Variants in SNED1 observed in about 807,000 individuals in gnomAD.
The protein encoded by SNED1 is sushi, nidogen and EGF-like domain-containing protein 1.
Under a neutral mutation model 166.7 loss-of-function variants are expected in SNED1, and 81 were observed. The observed-to-expected ratio is 0.49, with a 90% CI of 0.41 to 0.58. The LOEUF is 0.58. Among genes scored for constraint, SNED1 ranks in the 20% least tolerant of loss-of-function variants. The probability of loss-of-function intolerance (pLI) is 0.00; values close to 1 mark genes in which losing one functional copy is unlikely to be tolerated. For synonymous variants in SNED1, 762 were observed against 822.0 expected, an observed-to-expected ratio of 0.93 and a Z score of 1.25; for missense variants, 1,604 against 2,000.2, an observed-to-expected ratio of 0.80 and a Z score of 3.78.
At chr2:241,031,097 G>A (rs1474235427) in intron 2 of SNED1, among the ~76,000 whole-genome samples, 3 of 152,176 alleles carry the variant, frequency 2.0e-5, no homozygotes, top group Non-Finnish European at 1.5e-5. Context: ...GACAGACAGT[G>A]ACTCCCTAGA....
At chr2:241,088,189 G>A (rs568322171) in intron 30 of SNED1, 176 bp from the exon 31 acceptor site, 31 of 597,844 alleles carry the variant, frequency 5.2e-5, no homozygotes, top group Middle Eastern at 5.3e-4. Context: ...CCAGGCGGGC[G>A]CACACAAACT....
chr2:241,063,329 T>G, intron 17 of SNED1: 1 of 538,882 alleles, frequency 1.9e-6, no homozygotes, highest in South Asian at 2.0e-5. Flanking sequence ...GTCGTGGCCC[T>G]GGGGAGCCTC....
upstream of SNED1, among the ~76,000 whole-genome samples, chr2:240,998,285 G>A (rs2059972102): frequency 6.6e-6 from 1 of 152,260 alleles, no homozygotes. Flanking sequence ...GCACTGCCTG[G>A]CCAGGGTCCC....
intron 1 of SNED1, among the ~76,000 whole-genome samples, chr2:241,019,079 TG>T (rs2060689078): frequency 6.7e-6 from 1 of 149,478 alleles, no homozygotes. Context: ...ATGCCCATGG[TG>T]TGTGGACCAG....
intron 27 of SNED1, among the ~76,000 whole-genome samples, chr2:241,078,374 C>T (rs1384730746): frequency 8.4e-6 from 1 of 119,272 alleles, no homozygotes; most frequent in Non-Finnish European, 1.7e-5. Context: ...CAGAACTAGA[C>T]TCCGTCTCAA....
At position 241,073,743 on chromosome 2, in the gene SNED1, G is replaced by A. The variant is rs1460391701; in HGVS notation, c.3916+379G>A. On this transcript the variant is annotated intron_variant, in intron 27 of 31. Coordinates refer to ENST00000310397, the MANE Select transcript of SNED1 (RefSeq NM_001080437.3). This position sits in a 1 kb window ranked among gnomAD's most constrained non-coding sequence, Gnocchi z 6.6. ...CTCCAAAGAGGAGCAGGCGGAGTCA[G>A]GATGGGAGAAGCAGAGGGAGCAGCC... The A allele has an allele frequency of 1.3e-5, 5 of 398,022 alleles. No homozygotes were observed. Among genetic ancestry groups the A allele is most frequent in the Non-Finnish European group, 4.5e-6 (1 of 222,298 alleles). The allele number at this position is 398,022 out of a possible 1,614,324, so 24.7% of individuals were successfully genotyped here.
chr2:241,083,300 G>A (rs1249324964), intron 29 of SNED1, among the ~76,000 whole-genome samples: 1 of 152,202 alleles, frequency 6.6e-6, no homozygotes, highest in Non-Finnish European at 1.5e-5. Context: ...CATGTTGGGG[G>A]AGAAGTGGAG....
At chr2:241,003,112 C>G (rs1162208281) in intron 1 of SNED1, among the ~76,000 whole-genome samples, 1 of 150,732 alleles carries the variant, frequency 6.6e-6, no homozygotes, top group Non-Finnish European at 1.5e-5. Context: ...CCCTGCCCCC[C>G]TCCGCCCTCC....
At position 241,013,192 on chromosome 2, in the gene SNED1, C is replaced by T. The variant is rs2060470263; in HGVS notation, c.213+14142C>T. Reference sequence around the variant, plus strand: ...TTACATGGAGACCCCAGAACTTACTCATCCTGTCTGACTGAAGGTTTGCAC... The same window carrying T: ...TTACATGGAGACCCCAGAACTTACTTATCCTGTCTGACTGAAGGTTTGCAC... On this transcript the variant is annotated intron_variant, in intron 1 of 31. Coordinates refer to ENST00000310397, the MANE Select transcript of SNED1 (RefSeq NM_001080437.3). This position sits in a 1 kb window ranked among gnomAD's most constrained non-coding sequence, Gnocchi z 4.6. 6.6e-6 allele frequency among the ~76,000 whole-genome samples: 1 copy of T among 152,230 alleles called. No homozygotes were observed. The highest frequency in any genetic ancestry group is 1.5e-5 in the Non-Finnish European group (1 of 68,042).
intron 27 of SNED1, among the ~76,000 whole-genome samples, chr2:241,076,377 T>G (rs1425207573): frequency 1.3e-5 from 2 of 152,236 alleles, no homozygotes; most frequent in African/African-American, 4.8e-5. Flanking sequence ...TTTGATACTA[T>G]TATATAGTTT....
intron 16 of SNED1, among the ~76,000 whole-genome samples, chr2:241,058,347 A>G (rs2062126476): frequency 6.6e-6 from 1 of 152,206 alleles, no homozygotes; most frequent in East Asian, 1.9e-4. Context: ...GAAAATTTCA[A>G]ACTTGATTAA....
At chr2:241,063,311 C>G (rs1308785170) in intron 17 of SNED1, 5 of 519,788 alleles carry the variant, frequency 9.6e-6, no homozygotes, top group Non-Finnish European at 1.7e-5. Context: ...CCCAGGGAGC[C>G]GTGCCCAGTC....
At chr2:241,082,456 G>A (rs73010046) in intron 29 of SNED1, 92 bp downstream of exon 29, 18,488 of 916,424 alleles carry the variant, frequency 0.02, 251 homozygotes, top group Non-Finnish European at 0.025. Flanking sequence ...CTAACCCTGA[G>A]GAGGGACGAT....
At chr2:241,070,318 G>T in intron 24 of SNED1, 117 bp downstream of exon 24, 1 of 1,119,026 alleles carries the variant, frequency 8.9e-7, no homozygotes, top group Non-Finnish European at 1.2e-6. Context: ...CCTAGAAACA[G>T]GACCGTGTTA....
At chr2:241,057,914 C>A (rs2125146292) in intron 16 of SNED1, among the ~76,000 whole-genome samples, 1 of 151,942 alleles carries the variant, frequency 6.6e-6, no homozygotes, top group South Asian at 2.1e-4. Flanking sequence ...TTGTCACTAT[C>A]CAAAAGGAGA....
At chr2:241,090,203 A>C in intron 31 of SNED1, 3 of 1,473,746 alleles carry the variant, frequency 2.0e-6, no homozygotes, top group Non-Finnish European at 2.7e-6. Context: ...CTGTTTTTAA[A>C]ATTTTTAATT....
chr2:241,068,547 C>T lies in SNED1; in HGVS notation c.3195-364C>T, dbSNP rs542581400. Among the ~76,000 whole-genome samples the T allele has an allele frequency of 1.3e-5, 2 of 152,136 alleles. No individual in the cohort carries two copies. The highest frequency in any genetic ancestry group is 4.8e-5 in the African/African-American group (2 of 41,412). ...GGGGTGGCATTGGCCTCACGTTGTCCTGTGGTTTCCTGAGAATTTACATCA... is the reference window on the plus strand; with the variant it reads ...GGGGTGGCATTGGCCTCACGTTGTCTTGTGGTTTCCTGAGAATTTACATCA... On this transcript the variant is annotated intron_variant, in intron 22 of 31. Transcript: ENST00000310397. This position sits in a 1 kb window ranked among gnomAD's most constrained non-coding sequence, Gnocchi z 5.3.
intron 1 of SNED1, among the ~76,000 whole-genome samples, chr2:241,020,169 G>C (rs767802774): frequency 6.6e-6 from 1 of 152,222 alleles, no homozygotes; most frequent in Admixed American, 6.5e-5. Context: ...AAATATTTGC[G>C]ATCTGGCCCT....
rs1351675420 is a variant in SNED1, at chr2:241,075,106, A to G, written c.3916+1742A>G. 6.6e-6 allele frequency: 1 copy of G among 152,082 alleles called. No individual in the cohort carries two copies. The highest frequency in any genetic ancestry group is 2.1e-4 in the South Asian group (1 of 4,824). The allele number at this position is 152,082 out of a possible 1,614,324, so 9.4% of individuals were successfully genotyped here. A position where few individuals can be genotyped will look rare whatever the true frequency, so the allele number is the denominator to read the frequency against. ...CGGCTGCGGCTTATTCACACCTACT[A>G]TTGAGCACAGAGTCCACTGAGTGAA... On this transcript the variant is annotated intron_variant, in intron 27 of 31. Transcript: ENST00000310397. The surrounding 1 kb of genome is among the most constrained non-coding windows in gnomAD (Gnocchi z 4.8).
Sources: gnomAD v4.1 joint callset for allele counts (sites outside exome capture counted in the v4.1 genomes callset) on GRCh38, gnomAD v4.1.1 for gene constraint, Gnocchi (gnomAD v3.1) non-coding constraint, MANE v1.5 for transcripts, NCBI Gene and HGNC (gene_info 2026-07-23, HGNC 2026-07-21) for gene names.